The following DENND5B variants were observed in gnomAD, a reference collection of about 807,000 sequenced individuals.
DENND5B encodes the protein DENN domain-containing protein 5B.
In DENND5B, 34 loss-of-function variants were observed where a neutral mutation model predicts 140.6. The observed-to-expected ratio is 0.24, with a 90% confidence interval of 0.18 to 0.32. The LOEUF is 0.32. Ranked by LOEUF, DENND5B falls within the 10% of genes least tolerant of loss-of-function variation. The pLI is 1.00. For missense variants in DENND5B, 1,142 were observed against 1,560.2 expected (o/e 0.73, Z 4.52); for synonymous variants, 551 against 562.1 (o/e 0.98, Z 0.28).
At chr12:31,532,321 T>C (rs893646579) in intron 1 of DENND5B, among the ~76,000 whole-genome samples, 1 of 152,094 alleles carries the variant, frequency 6.6e-6, no homozygotes, top group Non-Finnish European at 1.5e-5. Flanking sequence ...AAGCCCAATG[T>C]GTCTGGAGGG....
intron 1 of DENND5B, among the ~76,000 whole-genome samples, chr12:31,518,781 A>G (rs528204567): frequency 3.2e-4 from 49 of 152,012 alleles, no homozygotes; most frequent in African/African-American, 9.6e-4. Flanking sequence ...TGCTAATTTA[A>G]CCTCATCTTG....
At chr12:31,409,129 T>C in intron 14 of DENND5B, 134 bp downstream of exon 14, 7 of 984,778 alleles carry the variant, frequency 7.1e-6, no homozygotes, top group Non-Finnish European at 9.6e-6. Context: ...GGAATATCCT[T>C]TACTCCTAAA....
Position 31,389,510 on chromosome 12 carries a change from A to G in DENND5B, c.3467-12T>C, listed in dbSNP as rs999517705. ...AGCAACCACTTTCTCTGAGGAAAAA[A>G]GTCAGAATTATGTCACAATATGTGT... On this transcript the variant is annotated splice_polypyrimidine_tract_variant and intron_variant, in intron 19 of 20. Transcript: ENST00000389082. 6.4e-7 allele frequency: 1 copy of G among 1,565,708 alleles called. No individual in the cohort carries two copies.
intron 2 of DENND5B, among the ~76,000 whole-genome samples, chr12:31,481,966 C>T (rs1946088431): frequency 6.6e-6 from 1 of 152,150 alleles, no homozygotes; most frequent in African/African-American, 2.4e-5. Context: ...TATGCACATT[C>T]CACTTTCATT....
chr12:31,545,794 CAAAAT>C (rs1948834153), intron 1 of DENND5B, among the ~76,000 whole-genome samples: 1 of 151,356 alleles, frequency 6.6e-6, no homozygotes, highest in Admixed American at 6.6e-5. Flanking sequence ...GTCTACAAAA[CAAAAT>C]AAAACAAACA....
intron 1 of DENND5B, among the ~76,000 whole-genome samples, chr12:31,548,284 A>G (rs1171925277): frequency 2.0e-5 from 3 of 151,976 alleles, no homozygotes; most frequent in Admixed American, 1.3e-4. Context: ...AGCCCCAGCT[A>G]TTCGGAAAGC....
rs572812879 is a variant in DENND5B at position 31,556,236 on chromosome 12, ACT to A, written c.127+34468_127+34469del. Among the ~76,000 whole-genome samples, 10 of 151,498 alleles carry A rather than the reference ACT, an allele frequency of 6.6e-5. No individual in the cohort carries two copies. The East Asian group carries it at 1.9e-3, about 30-fold the overall frequency. ...TTTTCTTTTTTTAAGATGCAGTCTCACTCTGTCACCCAGACTGGAGTGGAGCA... is the reference window on the plus strand; with the variant it reads ...TTTTCTTTTTTTAAGATGCAGTCTCACTGTCACCCAGACTGGAGTGGAGCA... On this transcript the variant is annotated intron_variant, in intron 1 of 20. Coordinates refer to ENST00000389082, the MANE Select transcript of DENND5B (RefSeq NM_144973.4).
chr12:31,547,643 G>A (rs1032117059), intron 1 of DENND5B, among the ~76,000 whole-genome samples: 2 of 151,866 alleles, frequency 1.3e-5, no homozygotes, highest in Non-Finnish European at 2.9e-5. Context: ...TGATCCACTC[G>A]CCCCACCTCC....
intron 5 of DENND5B, among the ~76,000 whole-genome samples, chr12:31,450,251 G>A (rs1465669983): frequency 1.3e-5 from 2 of 152,190 alleles, no homozygotes; most frequent in African/African-American, 2.4e-5. Context: ...TTGTTACCAT[G>A]TTAGAACATT....
intron 1 of DENND5B, among the ~76,000 whole-genome samples, chr12:31,507,666 T>C (rs986255175): frequency 6.6e-6 from 1 of 152,222 alleles, no homozygotes; most frequent in Non-Finnish European, 1.5e-5. Context: ...GTAACTGCTA[T>C]TATGAAACTC....
intron 1 of DENND5B, among the ~76,000 whole-genome samples, chr12:31,575,682 T>C (rs1024988250): frequency 5.9e-5 from 9 of 152,116 alleles, no homozygotes; most frequent in African/African-American, 1.9e-4. Context: ...TCAGGCTGGA[T>C]GTGGTGGCTC....
intron 18 of DENND5B, 47 bp downstream of exon 18, chr12:31,392,567 G>A: frequency 6.5e-7 from 1 of 1,532,914 alleles, no homozygotes; most frequent in South Asian, 1.2e-5. Flanking sequence ...ACATATAAAA[G>A]CATCTTTAAA....
intron 1 of DENND5B, among the ~76,000 whole-genome samples, chr12:31,581,681 G>A (rs867572101): frequency 4.5e-5 from 5 of 110,926 alleles, no homozygotes; most frequent in Middle Eastern, 7.0e-3. Flanking sequence ...CAACAACAGG[G>A]AAACTCTGTC....
At chr12:31,450,449 T>C (rs1321089128) in intron 5 of DENND5B, among the ~76,000 whole-genome samples, 2 of 152,094 alleles carry the variant, frequency 1.3e-5, no homozygotes, top group Non-Finnish European at 2.9e-5. Flanking sequence ...AGCCTCAACT[T>C]CTGAAGCTCA....
chr12:31,478,787 C>T (rs1945935950), intron 3 of DENND5B, among the ~76,000 whole-genome samples: 1 of 152,078 alleles, frequency 6.6e-6, no homozygotes, highest in African/African-American at 2.4e-5. Context: ...TCCTTCAATT[C>T]ACTATCCATT....
At chr12:31,444,885 G>A (rs750421121) in intron 6 of DENND5B, among the ~76,000 whole-genome samples, 2 of 152,156 alleles carry the variant, frequency 1.3e-5, no homozygotes, top group Non-Finnish European at 2.9e-5. Context: ...ACCCTGATTC[G>A]TGGGAATACA....
chr12:31,428,876 C>A (rs572310398), intron 8 of DENND5B, among the ~76,000 whole-genome samples: 1 of 152,312 alleles, frequency 6.6e-6, no homozygotes, highest in African/African-American at 2.4e-5. Flanking sequence ...GGACTACAGG[C>A]GTCTGCCACC....
chr12:31,524,971 A>T (rs1016293940), intron 1 of DENND5B, among the ~76,000 whole-genome samples: 1 of 152,232 alleles, frequency 6.6e-6, no homozygotes, highest in African/African-American at 2.4e-5. Context: ...ACCAATAGGC[A>T]CATGAAAAGA....
At chr12:31,402,096 A>G (rs1941827778) in intron 15 of DENND5B, among the ~76,000 whole-genome samples, 2 of 151,714 alleles carry the variant, frequency 1.3e-5, no homozygotes, top group Admixed American at 1.3e-4. Flanking sequence ...AAAATCCATA[A>G]GCATGAATAT....
Sources: allele counts gnomAD v4.1 joint callset (sites outside exome capture counted in the v4.1 genomes callset), GRCh38; gene constraint gnomAD v4.1.1; transcripts MANE v1.5; gene names NCBI Gene and HGNC (gene_info 2026-07-23, HGNC 2026-07-21).